The following CD163L1 variants were observed in gnomAD, a reference collection of about 807,000 sequenced individuals.
The protein encoded by CD163L1 is scavenger receptor cysteine-rich type 1 protein M160.
CD163L1 carries 124 observed loss-of-function variants against 165.4 expected under a neutral mutation model. The observed-to-expected ratio is 0.75, with a 90% CI of 0.65 to 0.87. The LOEUF is 0.87. Ranked by LOEUF, CD163L1 falls within the 40% of genes least tolerant of loss-of-function variation. The probability of loss-of-function intolerance (pLI) is 0.00; values close to 1 mark genes in which losing one functional copy is unlikely to be tolerated. For synonymous variants in CD163L1, 585 were observed against 662.2 expected (o/e 0.88, Z 1.79); for missense variants, 1,525 against 1,799.9 (o/e 0.85, Z 2.76).
At chr12:7,380,025 T>C (rs1947352004) in intron 8 of CD163L1, among the ~76,000 whole-genome samples, 1 of 152,046 alleles carries the variant, frequency 6.6e-6, no homozygotes, top group Admixed American at 6.5e-5. Flanking sequence ...AAGGGAACAC[T>C]TCTACACTGC....
intron 4 of CD163L1, among the ~76,000 whole-genome samples, chr12:7,414,830 A>C (rs1591945238): frequency 1.3e-5 from 2 of 152,116 alleles, no homozygotes; most frequent in Admixed American, 6.6e-5. Context: ...CAAAAAAAGA[A>C]CCCTGCCAAT....
the CD163L1 span, among the ~76,000 whole-genome samples, chr12:7,332,581 T>C: frequency 6.6e-6 from 1 of 152,202 alleles, no homozygotes; most frequent in African/African-American, 2.4e-5. Flanking sequence ...TAACAGCTGA[T>C]CTCTCAGCAG....
downstream of CD163L1, among the ~76,000 whole-genome samples, chr12:7,344,859 C>G (rs1946658682): frequency 6.6e-6 from 1 of 152,224 alleles, no homozygotes; most frequent in African/African-American, 2.4e-5. Flanking sequence ...GTATCTGGGT[C>G]CCTTTGAACT....
chr12:7,380,372 T>TGTATGTGTGTATACGCGTATGCAC (rs1565784301), intron 8 of CD163L1, among the ~76,000 whole-genome samples: 1 of 145,240 alleles, frequency 6.9e-6, no homozygotes, highest in Non-Finnish European at 1.5e-5. Flanking sequence ...CGCGTATACA[T>TGTATGTGTGTATACGCGTATGCAC]ACATGTATGT....
At chr12:7,319,344 C>T in the CD163L1 span, among the ~76,000 whole-genome samples, 1 of 152,102 alleles carries the variant, frequency 6.6e-6, no homozygotes, top group Non-Finnish European at 1.5e-5. Flanking sequence ...ATAATCCCAG[C>T]ACTTTGGGAG....
At chr12:7,396,533 G>C (rs1947780197) in intron 7 of CD163L1, 118 bp from the exon 8 acceptor site, 1 of 972,612 alleles carries the variant, frequency 1.0e-6, no homozygotes, top group East Asian at 2.7e-5. Flanking sequence ...ATGGTGCTGT[G>C]AAGGTATTTT....
intron 14 of CD163L1, among the ~76,000 whole-genome samples, chr12:7,370,160 C>T (rs1308450748): frequency 6.6e-6 from 1 of 152,154 alleles, no homozygotes; most frequent in South Asian, 2.1e-4. Flanking sequence ...TAACTACAAA[C>T]ACTCTCTTTC....
chr12:7,322,606 G>A, the CD163L1 span: 7 of 1,536,278 alleles, frequency 4.6e-6, no homozygotes, highest in African/African-American at 5.5e-5. Flanking sequence ...TTTTTCAACT[G>A]AGCCCCTGAA....
At chr12:7,422,942 T>C (rs1370101825) in intron 4 of CD163L1, among the ~76,000 whole-genome samples, 1 of 151,896 alleles carries the variant, frequency 6.6e-6, no homozygotes, top group Non-Finnish European at 1.5e-5. Flanking sequence ...TTAACAAGGA[T>C]ATTCAAGAGT....
At chr12:7,326,748 C>T in the CD163L1 span, among the ~76,000 whole-genome samples, 1 of 152,190 alleles carries the variant, frequency 6.6e-6, no homozygotes, top group Admixed American at 6.5e-5. Flanking sequence ...ACTTAGCTTT[C>T]TTGAACTGCT....
At chr12:7,434,669 A>G (rs759387775) in intron 2 of CD163L1, among the ~76,000 whole-genome samples, 5 of 151,858 alleles carry the variant, frequency 3.3e-5, no homozygotes, top group Non-Finnish European at 7.4e-5. Flanking sequence ...AAAGATGAAA[A>G]AAGAGAAAGA....
At chr12:7,346,144 T>C (rs993164968), downstream of CD163L1, among the ~76,000 whole-genome samples, 5 of 150,444 alleles carry the variant, frequency 3.3e-5, no homozygotes, top group African/African-American at 1.3e-4. Flanking sequence ...AATATAGCCA[T>C]GGGATGTTAG....
At chr12:7,411,590 C>A (rs778146901) in intron 4 of CD163L1, among the ~76,000 whole-genome samples, 1 of 152,320 alleles carries the variant, frequency 6.6e-6, no homozygotes, top group South Asian at 2.1e-4. Context: ...GATATGCTGA[C>A]TTCCCCTTGG....
Position 7,406,520 on chromosome 12 carries a change from TGTAA to T in CD163L1, c.1087+8_1087+11del. 6.2e-7 allele frequency: 1 copy of T among 1,608,548 alleles called. No homozygotes were observed. The highest frequency in any genetic ancestry group is 8.5e-7 in the Non-Finnish European group (1 of 1,178,694). On this transcript the variant is annotated splice_region_variant and intron_variant, in intron 5 of 19. Transcript: ENST00000313599. ...ATTTTATCTGATGTAATCATGTGGA[TGTAA>T]GTCTTACCTGAGCAGATCACAGACA... is the stretch of plus-strand genomic sequence containing the variant.
At chr12:7,332,964 C>G in the CD163L1 span, among the ~76,000 whole-genome samples, 3 of 152,156 alleles carry the variant, frequency 2.0e-5, no homozygotes, top group African/African-American at 7.2e-5. Context: ...GGGCTAAATG[C>G]TCCAGTTAAA....
At chr12:7,323,357 A>G in the CD163L1 span, 1 of 1,595,882 alleles carries the variant, frequency 6.3e-7, no homozygotes, top group Non-Finnish European at 8.6e-7. Context: ...AAGGAGAGAG[A>G]ACGTTTTCCT....
Position 7,380,426 on chromosome 12 carries a change from CAT to C in CD163L1, c.2051-1130_2051-1129del, listed in dbSNP as rs749246722. ...ACATGTATGTGTGTATATATATACA[CAT>C]GATGGAATACTACTCAGCCATAAAG... On this transcript the variant is annotated intron_variant, in intron 8 of 19. Transcript: ENST00000313599. Among the ~76,000 whole-genome samples, 65 of 151,540 alleles carry C rather than the reference CAT, an allele frequency of 4.3e-4. 1 individual carries two copies. In the South Asian group the frequency reaches 7.5e-3, roughly 17 times the overall value.
the CD163L1 span, among the ~76,000 whole-genome samples, chr12:7,326,184 G>A: frequency 6.6e-6 from 1 of 152,122 alleles, no homozygotes; most frequent in Non-Finnish European, 1.5e-5. Flanking sequence ...AATCCTTCCT[G>A]AGAGGTTTTT....
downstream of CD163L1, among the ~76,000 whole-genome samples, chr12:7,342,042 C>A (rs944319211): frequency 1.2e-4 from 18 of 152,294 alleles, no homozygotes; most frequent in East Asian, 1.9e-3. Context: ...ACAGCTGAGT[C>A]CTTCCTCTCT....
Sources: allele counts gnomAD v4.1 joint callset (sites outside exome capture counted in the v4.1 genomes callset), GRCh38; gene constraint gnomAD v4.1.1; transcripts MANE v1.5; gene names NCBI Gene and HGNC (gene_info 2026-07-23, HGNC 2026-07-21).